Variants in SLIT3 observed in about 807,000 individuals in gnomAD.
The protein encoded by SLIT3 is slit guidance ligand 3.
Under a neutral mutation model 184.0 loss-of-function variants are expected in SLIT3, and 68 were observed. The observed-to-expected ratio is 0.37, with a 90% CI of 0.30 to 0.45. The LOEUF (loss-of-function observed/expected upper bound fraction) is 0.45. Ranked by LOEUF, SLIT3 falls within the 20% of genes least tolerant of loss-of-function variation. The pLI is 1.00. For synonymous variants in SLIT3, 831 were observed against 828.6 expected (o/e 1.00, Z -0.05); for missense variants, 1,707 against 2,026.0 (o/e 0.84, Z 3.02).
At chr5:168,954,533 G>A (rs1177473960) in intron 4 of SLIT3, among the ~76,000 whole-genome samples, 1 of 152,118 alleles carries the variant, frequency 6.6e-6, no homozygotes, top group Non-Finnish European at 1.5e-5. Flanking sequence ...GCAGGATCCT[G>A]GAGATAATCT....
chr5:169,060,425 T>C lies in SLIT3; in HGVS notation c.413+133054A>G, dbSNP rs143508913. On this transcript the variant is annotated intron_variant, in intron 4 of 35. Coordinates refer to ENST00000519560, the MANE Select transcript of SLIT3 (RefSeq NM_003062.4). ...AAACAAACAAACAAACAAAAAACAC[T>C]GAGAAATAAATTTTGTTGCTTATGA... 5.4e-5 allele frequency among the ~76,000 whole-genome samples: 8 copies of C among 149,494 alleles called. No individual in the cohort carries two copies. The East Asian group carries it at 1.4e-3, about 25-fold the overall frequency.
At chr5:168,744,022 G>T (rs893148619) in intron 20 of SLIT3, among the ~76,000 whole-genome samples, 1 of 152,206 alleles carries the variant, frequency 6.6e-6, no homozygotes, top group African/African-American at 2.4e-5. Context: ...GGGCGCAGCG[G>T]CTCACACATG....
At chr5:169,105,800 T>C (rs765893612) in intron 4 of SLIT3, among the ~76,000 whole-genome samples, 41 of 152,234 alleles carry the variant, frequency 2.7e-4, no homozygotes, top group Non-Finnish European at 5.1e-4. Flanking sequence ...TCATTTTTTA[T>C]GGCTGCATAG....
intron 20 of SLIT3, among the ~76,000 whole-genome samples, chr5:168,746,481 T>TGC (rs1763825247): frequency 1.4e-5 from 1 of 71,052 alleles, no homozygotes; most frequent in Non-Finnish European, 2.7e-5. Flanking sequence ...GGTGTGGGTG[T>TGC]GGTGGTGTGT....
chr5:169,083,474 G>A (rs906367052), intron 4 of SLIT3, among the ~76,000 whole-genome samples: 1 of 152,216 alleles, frequency 6.6e-6, no homozygotes, highest in African/African-American at 2.4e-5. Context: ...GAATGGTGTT[G>A]AGGGCTATCA....
At chr5:168,961,886 A>G (rs200518373) in intron 4 of SLIT3, among the ~76,000 whole-genome samples, 112 of 126,620 alleles carry the variant, frequency 8.8e-4, no homozygotes, top group African/African-American at 3.3e-3. Flanking sequence ...GTGTGTGTGT[A>G]TGTGTGAAAG....
At chr5:168,765,762 TTGAAGAAGGGCCA>T (rs1457154244) in intron 14 of SLIT3, among the ~76,000 whole-genome samples, 1 of 152,152 alleles carries the variant, frequency 6.6e-6, no homozygotes, top group Non-Finnish European at 1.5e-5. Context: ...CCCAGAGGAT[TTGAAGAAGGGCCA>T]TAAAACTCAA....
intron 4 of SLIT3, among the ~76,000 whole-genome samples, chr5:169,121,729 A>G (rs1379762449): frequency 1.3e-5 from 2 of 152,204 alleles, no homozygotes; most frequent in Non-Finnish European, 2.9e-5. Context: ...CTCTTGCAAA[A>G]AAGTTTTCTG....
chr5:169,158,062 A>C (rs1029900847), intron 4 of SLIT3, among the ~76,000 whole-genome samples: 1 of 152,146 alleles, frequency 6.6e-6, no homozygotes. Context: ...AAATACATGA[A>C]GAAATAATGG....
At chr5:169,068,708 T>G (rs1758439139) in intron 4 of SLIT3, among the ~76,000 whole-genome samples, 1 of 152,138 alleles carries the variant, frequency 6.6e-6, no homozygotes, top group African/African-American at 2.4e-5. Context: ...GATGGCTTCT[T>G]GTGACATCTC....
At chr5:169,041,255 C>A (rs576180602) in intron 4 of SLIT3, among the ~76,000 whole-genome samples, 14 of 152,290 alleles carry the variant, frequency 9.2e-5, no homozygotes, top group African/African-American at 3.1e-4. Context: ...CAAACATATA[C>A]CGAGCACATA....
At chr5:168,770,705 C>A (rs564471154) in intron 14 of SLIT3, among the ~76,000 whole-genome samples, 1,694 of 152,086 alleles carry the variant, frequency 0.011, 26 homozygotes, top group South Asian at 0.027. Flanking sequence ...GAACCTGGCT[C>A]CTTCTCCCTG....
intron 4 of SLIT3, among the ~76,000 whole-genome samples, chr5:169,190,184 G>A (rs183142740): frequency 2.7e-4 from 41 of 152,292 alleles, no homozygotes; most frequent in Admixed American, 2.4e-3. Context: ...GCTGGGACAT[G>A]GGCATATATG....
chr5:168,784,022 A>G (rs762188189), intron 12 of SLIT3, among the ~76,000 whole-genome samples: 9 of 152,196 alleles, frequency 5.9e-5, no homozygotes, highest in Non-Finnish European at 1.3e-4. Flanking sequence ...CTTTTTAAGT[A>G]TACATGCACT....
intron 4 of SLIT3, among the ~76,000 whole-genome samples, chr5:168,945,568 C>T (rs1225441561): frequency 6.6e-6 from 1 of 152,220 alleles, no homozygotes; most frequent in Non-Finnish European, 1.5e-5. Flanking sequence ...GAGATGATCA[C>T]ACATTCTGGC....
intron 4 of SLIT3, among the ~76,000 whole-genome samples, chr5:168,897,588 A>T (rs1760713196): frequency 6.6e-6 from 1 of 150,504 alleles, no homozygotes; most frequent in Non-Finnish European, 1.5e-5. Context: ...AAAGGAAGAG[A>T]CACACAGAGA....
chr5:169,257,772 C>G (rs565405983), intron 1 of SLIT3, among the ~76,000 whole-genome samples: 9 of 152,050 alleles, frequency 5.9e-5, no homozygotes, highest in African/African-American at 1.7e-4. Context: ...CCAGGCTGTT[C>G]TCAAACTCCT....
At chr5:169,270,417 T>C (rs1766560932) in intron 1 of SLIT3, among the ~76,000 whole-genome samples, 1 of 152,192 alleles carries the variant, frequency 6.6e-6, no homozygotes, top group Non-Finnish European at 1.5e-5. Context: ...TATTTTTAAA[T>C]GGTTGGAAAA....
chr5:169,140,308 CAAAAAAAAA>C (rs10536624), intron 4 of SLIT3, among the ~76,000 whole-genome samples: 3,149 of 42,056 alleles, frequency 0.075, 130 homozygotes, highest in African/African-American at 0.15. Context: ...ACTAAAAATG[CAAAAAAAAA>C]AAAAAAAAAA....
Sources: allele counts gnomAD v4.1 joint callset (sites outside exome capture counted in the v4.1 genomes callset), GRCh38; gene constraint gnomAD v4.1.1; transcripts MANE v1.5; gene names NCBI Gene and HGNC (gene_info 2026-07-23, HGNC 2026-07-21).